Variants in CAMTA1 observed in about 807,000 individuals in gnomAD.
CAMTA1 encodes the protein calmodulin-binding transcription activator 1.
A neutral mutation model predicts 170.9 loss-of-function variants in CAMTA1; 27 were observed. The ratio of observed to expected loss-of-function variants is 0.16; its 90% confidence interval spans 0.12 to 0.22. CAMTA1 has a LOEUF of 0.22. Among genes scored for constraint, CAMTA1 ranks in the 10% least tolerant of loss-of-function variants. CAMTA1 has a pLI of 1.00. For synonymous variants in CAMTA1, 833 were observed against 891.5 expected (o/e 0.93, Z 1.17); for missense variants, 1,619 against 2,217.2 (o/e 0.73, Z 5.42).
At chr1:6,856,472 A>G (rs1379270457) in intron 3 of CAMTA1, among the ~76,000 whole-genome samples, 3 of 152,046 alleles carry the variant, frequency 2.0e-5, no homozygotes, top group African/African-American at 7.2e-5. Context: ...TTATAGGCTG[A>G]TAGGACAGTC....
In CAMTA1 at chr1:6,882,696, T is replaced by G. The variant is rs569633004; in HGVS notation, c.234+57486T>G. On this transcript the variant is annotated intron_variant, in intron 3 of 22. Coordinates refer to ENST00000303635, the MANE Select transcript of CAMTA1 (RefSeq NM_015215.4). ...TGAGTTTGTAACTTCAAGGAGAGGC[T>G]GAGGCTGGAGCTAGATTTTGAGTGT... is the stretch of plus-strand genomic sequence containing the variant. 1.4e-3 allele frequency among the ~76,000 whole-genome samples: 211 copies of G among 152,160 alleles called. 2 individuals are homozygous for G. Among genetic ancestry groups the G allele is most frequent in the Admixed American group, 0.014 (208 of 15,278 alleles).
intron 4 of CAMTA1, among the ~76,000 whole-genome samples, chr1:7,235,775 C>A (rs1362303307): frequency 1.3e-5 from 2 of 152,184 alleles, no homozygotes; most frequent in African/African-American, 4.8e-5. Context: ...TTTAGGCCGA[C>A]AAATCTATCT....
chr1:7,650,836 A>G (rs1487253865), intron 7 of CAMTA1, among the ~76,000 whole-genome samples: 2 of 152,226 alleles, frequency 1.3e-5, no homozygotes, highest in Non-Finnish European at 2.9e-5. Context: ...AAATCTAATG[A>G]AAATTTCATC....
chr1:7,119,287 C>CT, intron 4 of CAMTA1, among the ~76,000 whole-genome samples: 1 of 152,276 alleles, frequency 6.6e-6, no homozygotes, highest in Admixed American at 6.5e-5. Context: ...CAGCTGTTGT[C>CT]TAAGCCCGAA....
intron 3 of CAMTA1, among the ~76,000 whole-genome samples, chr1:7,005,906 C>T (rs1698939389): frequency 6.6e-6 from 1 of 152,196 alleles, no homozygotes; most frequent in Non-Finnish European, 1.5e-5. Flanking sequence ...GGAGGGGTGG[C>T]CCCTCAGTGG....
intron 9 of CAMTA1, among the ~76,000 whole-genome samples, chr1:7,667,721 G>A (rs541564694): frequency 1.4e-4 from 22 of 152,290 alleles, no homozygotes; most frequent in Non-Finnish European, 2.4e-4. Flanking sequence ...ACACGAGGGC[G>A]GCCCAGGAAC....
At chr1:7,273,122 A>G (rs1352845755) in intron 5 of CAMTA1, among the ~76,000 whole-genome samples, 1 of 152,204 alleles carries the variant, frequency 6.6e-6, no homozygotes, top group Non-Finnish European at 1.5e-5. Context: ...ACACGTGGAG[A>G]AATTGGAACC....
intron 1 of CAMTA1, among the ~76,000 whole-genome samples, chr1:6,788,729 CA>C (rs1379306026): frequency 6.6e-6 from 1 of 151,994 alleles, no homozygotes. Flanking sequence ...CCCTGGTAAG[CA>C]GGGGGCTCCG....
intron 3 of CAMTA1, among the ~76,000 whole-genome samples, chr1:6,927,222 A>G (rs1460761699): frequency 6.6e-6 from 1 of 151,784 alleles, no homozygotes; most frequent in Non-Finnish European, 1.5e-5. Flanking sequence ...TATTTTGTAG[A>G]GATGGGATTT....
intron 4 of CAMTA1, among the ~76,000 whole-genome samples, chr1:7,165,707 C>T (rs1648257960): frequency 1.3e-5 from 2 of 152,260 alleles, no homozygotes; most frequent in South Asian, 4.1e-4. Context: ...GCCAGGATTA[C>T]AGGCGTGAGC....
intron 3 of CAMTA1, among the ~76,000 whole-genome samples, chr1:6,902,580 T>G (rs903174021): frequency 6.6e-6 from 1 of 152,142 alleles, no homozygotes; most frequent in African/African-American, 2.4e-5. Context: ...AGGGAACTTT[T>G]TGAGGTGATG....
At chr1:6,856,233 A>G (rs1287880017) in intron 3 of CAMTA1, among the ~76,000 whole-genome samples, 6 of 150,886 alleles carry the variant, frequency 4.0e-5, no homozygotes, top group Non-Finnish European at 8.8e-5. Flanking sequence ...ATGTAGAGCA[A>G]TCTGGAAGGC....
intron 5 of CAMTA1, among the ~76,000 whole-genome samples, chr1:7,411,754 T>A (rs1057111402): frequency 2.0e-5 from 3 of 152,054 alleles, no homozygotes; most frequent in African/African-American, 2.4e-5. Context: ...TTCCTTTTTT[T>A]ATTTTATTTT....
intron 1 of CAMTA1, among the ~76,000 whole-genome samples, chr1:6,797,321 A>G (rs1305802685): frequency 1.3e-5 from 2 of 151,938 alleles, no homozygotes; most frequent in Admixed American, 1.3e-4. Context: ...TCGGCCTCCC[A>G]AAGTGCTGGG....
At chr1:7,037,568 G>C (rs935764650) in intron 3 of CAMTA1, among the ~76,000 whole-genome samples, 2 of 152,136 alleles carry the variant, frequency 1.3e-5, no homozygotes, top group African/African-American at 4.8e-5. Flanking sequence ...GGCCGGGCGC[G>C]GTGGCTCACG....
intron 11 of CAMTA1, among the ~76,000 whole-genome samples, chr1:7,697,478 A>C (rs569784372): frequency 1.3e-5 from 2 of 152,248 alleles, no homozygotes; most frequent in East Asian, 3.9e-4. Context: ...CCACCACCTG[A>C]ATTGATTTGG....
intron 11 of CAMTA1, among the ~76,000 whole-genome samples, chr1:7,687,319 A>C (rs1268629635): frequency 1.3e-5 from 2 of 151,912 alleles, no homozygotes; most frequent in African/African-American, 4.8e-5. Flanking sequence ...GGTGTTTCAA[A>C]AAAAAGGACG....
At chr1:7,559,097 G>A (rs567242571) in intron 6 of CAMTA1, among the ~76,000 whole-genome samples, 26 of 152,218 alleles carry the variant, frequency 1.7e-4, no homozygotes, top group Non-Finnish European at 3.1e-4. Context: ...CCACATGGCA[G>A]CCGCTCAGGA....
chr1:7,077,006 T>C (rs934050055), intron 3 of CAMTA1, among the ~76,000 whole-genome samples: 2 of 152,256 alleles, frequency 1.3e-5, no homozygotes, highest in Non-Finnish European at 2.9e-5. Context: ...AGGCAGGTTA[T>C]GAAATTCAAA....
Sources: allele counts gnomAD v4.1 joint callset (sites outside exome capture counted in the v4.1 genomes callset), GRCh38; gene constraint gnomAD v4.1.1; transcripts MANE v1.5; gene names NCBI Gene and HGNC (gene_info 2026-07-23, HGNC 2026-07-21).